ENOX1: variants seen among roughly 807,000 people sequenced by gnomAD.
ENOX1 encodes the protein ecto-NOX disulfide-thiol exchanger 1, also known as candidate growth-related and time keeping constitutive hydroquinone (NADH) oxidase.
In ENOX1, 42 loss-of-function variants were observed where a neutral mutation model predicts 82.5. That is an observed-to-expected ratio of 0.51 (90% confidence interval 0.40 to 0.66). The LOEUF is 0.66. Among genes scored for constraint, ENOX1 ranks in the 30% least tolerant of loss-of-function variants. ENOX1 has a pLI of 0.00. For synonymous variants in ENOX1, 271 were observed against 282.2 expected (o/e 0.96, Z 0.40); for missense variants, 608 against 811.6 (o/e 0.75, Z 3.05).
chr13:43,331,872 C>T (rs2048427374), intron 9 of ENOX1, among the ~76,000 whole-genome samples: 1 of 152,166 alleles, frequency 6.6e-6, no homozygotes, highest in East Asian at 1.9e-4. Flanking sequence ...CACATTCACT[C>T]GGGTTCTGGG....
In ENOX1 at chr13:43,411,915, C is replaced by CTGGTAAG; in HGVS notation, c.208_208+1insCTTACCA (p.Asp70AlafsTer11). 1 of 1,614,142 alleles carries CTGGTAAG rather than the reference C, an allele frequency of 6.2e-7. No homozygotes were observed. The highest frequency in any genetic ancestry group is 8.5e-7 in the Non-Finnish European group (1 of 1,179,998). On this transcript the variant is annotated frameshift_variant and splice_region_variant. Coordinates refer to ENST00000690772, the MANE Select transcript of ENOX1 (RefSeq NM_001347969.2). LOFTEE classifies it high-confidence loss of function. ...ATCTCTGAAACCAGGAGAAAGCTTA[C>CTGGTAAG]CAGACACGAGCTGCTGTCCAGGCAA...
intron 3 of ENOX1, among the ~76,000 whole-genome samples, chr13:43,476,506 T>A (rs560939628): frequency 6.6e-6 from 1 of 152,258 alleles, no homozygotes; most frequent in East Asian, 1.9e-4. Context: ...TGTAAAAGAA[T>A]GTGCAAATGT....
intron 1 of ENOX1, among the ~76,000 whole-genome samples, chr13:43,742,746 G>A (rs562950592): frequency 6.6e-6 from 1 of 152,322 alleles, no homozygotes; most frequent in Admixed American, 6.5e-5. Context: ...AGAAGTGGTT[G>A]AATTCTGGAT....
chr13:43,247,095 G>A (rs1015116114), intron 14 of ENOX1, among the ~76,000 whole-genome samples: 1 of 152,212 alleles, frequency 6.6e-6, no homozygotes, highest in African/African-American at 2.4e-5. Flanking sequence ...GCCAAGGCAA[G>A]TGGATCACTT....
chr13:43,652,256 T>G (rs1488154740), intron 2 of ENOX1, among the ~76,000 whole-genome samples: 1 of 152,132 alleles, frequency 6.6e-6, no homozygotes, highest in Non-Finnish European at 1.5e-5. Flanking sequence ...AGGACATAAA[T>G]GAAGAGCAGA....
rs1417720495 is a variant in ENOX1 at position 43,463,875 on chromosome 13, T to C, written c.-75+20134A>G. 2.6e-5 allele frequency among the ~76,000 whole-genome samples: 4 copies of C among 152,226 alleles called. 1 individual carries two copies. The highest frequency in any genetic ancestry group is 6.5e-5 in the Admixed American group (1 of 15,282). The stretch of plus-strand genomic sequence containing the variant: ...AATCCAATTTCAATAAAATTGCTAC[T>C]CTTATTCATCCATTCATTTATTTGA... On this transcript the variant is annotated intron_variant, in intron 3 of 16. Coordinates refer to ENST00000690772, the MANE Select transcript of ENOX1 (RefSeq NM_001347969.2).
chr13:43,440,603 C>T (rs1354562655), intron 3 of ENOX1, among the ~76,000 whole-genome samples: 1 of 152,120 alleles, frequency 6.6e-6, no homozygotes, highest in Admixed American at 6.5e-5. Flanking sequence ...TGTATCATCT[C>T]ATGTAGTTTC....
intron 2 of ENOX1, among the ~76,000 whole-genome samples, chr13:43,554,792 C>T (rs987147635): frequency 2.0e-5 from 3 of 152,046 alleles, no homozygotes; most frequent in African/African-American, 7.2e-5. Flanking sequence ...GCTCAGGAGT[C>T]TGGTCTCAAA....
intron 2 of ENOX1, among the ~76,000 whole-genome samples, chr13:43,633,937 T>C (rs1292786485): frequency 1.3e-5 from 2 of 152,112 alleles, no homozygotes; most frequent in Non-Finnish European, 2.9e-5. Flanking sequence ...TTATAATGAG[T>C]AAGTGAAAAT....
chr13:43,462,925 G>A (rs973784289), intron 3 of ENOX1, among the ~76,000 whole-genome samples: 1 of 152,172 alleles, frequency 6.6e-6, no homozygotes, highest in Non-Finnish European at 1.5e-5. Flanking sequence ...GAGCAAAATT[G>A]TCCAAAATGT....
At chr13:43,417,242 C>CGGGAGAGGGAGAAGGAGA (rs2054668973) in intron 3 of ENOX1, among the ~76,000 whole-genome samples, 1 of 82,772 alleles carries the variant, frequency 1.2e-5, no homozygotes, top group Non-Finnish European at 2.4e-5. Flanking sequence ...AGACGGGAGA[C>CGGGAGAGGGAGAAGGAGA]GGGAGAGGGA....
At chr13:43,248,052 A>AT (rs1400204144) in intron 14 of ENOX1, among the ~76,000 whole-genome samples, 51 of 147,986 alleles carry the variant, frequency 3.4e-4, no homozygotes, top group Non-Finnish European at 6.3e-4. Flanking sequence ...CGCCTGTCTA[A>AT]TTTTTTGTAT....
At chr13:43,445,060 G>C (rs1272110988) in intron 3 of ENOX1, among the ~76,000 whole-genome samples, 2 of 151,890 alleles carry the variant, frequency 1.3e-5, no homozygotes, top group Non-Finnish European at 2.9e-5. Context: ...GCTGTTTTCT[G>C]CTCCAGTGCT....
chr13:43,263,142 C>T (rs2153477447), intron 14 of ENOX1, among the ~76,000 whole-genome samples: 1 of 152,264 alleles, frequency 6.6e-6, no homozygotes, highest in Non-Finnish European at 1.5e-5. Flanking sequence ...ACTGGGGAAA[C>T]TTCCAAAAGG....
chr13:43,399,196 C>T (rs963708848), intron 5 of ENOX1, among the ~76,000 whole-genome samples: 3 of 152,048 alleles, frequency 2.0e-5, no homozygotes, highest in Non-Finnish European at 4.4e-5. Flanking sequence ...CAACTGTTTA[C>T]GCTATTATAA....
chr13:43,595,377 T>A (rs1827258462), intron 2 of ENOX1, among the ~76,000 whole-genome samples: 1 of 152,130 alleles, frequency 6.6e-6, no homozygotes, highest in African/African-American at 2.4e-5. Flanking sequence ...TCTTTCATCC[T>A]CCAGTCAGCA....
In ENOX1 at chr13:43,269,567, G is replaced by T; in HGVS notation, c.1457C>A (p.Thr486Asn). The T allele has an allele frequency of 6.2e-7, 1 of 1,613,394 alleles. No individual in the cohort carries two copies. The highest frequency in any genetic ancestry group is 8.5e-7 in the Non-Finnish European group (1 of 1,179,404). The part of the protein sequence containing the change: ...TMQGMQQQLL[T>N]IQEELNNKKS... ...TTTGTTGTTTAACTCCTCCTGGATG[G>T]TTAGCAATTGCTGTGAAATTAAAGG... The change falls in exon 13 of 17, where the codon ACC becomes AAC. Residue 486 changes from threonine to asparagine, a missense_variant. Thr to Asn is a moderately conservative substitution (Grantham distance 65, BLOSUM62 0). Transcript: ENST00000690772.
intron 3 of ENOX1, among the ~76,000 whole-genome samples, chr13:43,448,455 T>G (rs2153628950): frequency 6.6e-6 from 1 of 152,366 alleles, no homozygotes; most frequent in East Asian, 1.9e-4. Context: ...GAGCATTTTT[T>G]GTTTGCATCT....
At chr13:43,423,527 C>T (rs947583533) in intron 3 of ENOX1, among the ~76,000 whole-genome samples, 1 of 152,184 alleles carries the variant, frequency 6.6e-6, no homozygotes, top group African/African-American at 2.4e-5. Flanking sequence ...ATAAACATGT[C>T]TCCAAAATGT....
Sources: gnomAD v4.1 joint callset for allele counts (sites outside exome capture counted in the v4.1 genomes callset) on GRCh38, gnomAD v4.1.1 for gene constraint, MANE v1.5 for transcripts, NCBI Gene and HGNC (gene_info 2026-07-23, HGNC 2026-07-21) for gene names.